UPK1A: variants seen among roughly 807,000 people sequenced by gnomAD.
UPK1A encodes uroplakin 1A.
A neutral mutation model predicts 32.3 loss-of-function variants in UPK1A; 31 were observed. The ratio of observed to expected loss-of-function variants is 0.96; its 90% CI spans 0.72 to 1.30. The LOEUF (loss-of-function observed/expected upper bound fraction) is 1.30. UPK1A is among the 50% of genes most tolerant of loss of function. The pLI is 0.00. For synonymous variants in UPK1A, 135 were observed against 137.1 expected (o/e 0.98, Z 0.11); for missense variants, 340 against 357.4 (o/e 0.95, Z 0.39).
intron 3 of UPK1A, among the ~76,000 whole-genome samples, chr19:35,669,454 C>T (rs373684086): frequency 6.8e-6 from 1 of 147,162 alleles, no homozygotes; most frequent in African/African-American, 2.5e-5. Context: ...CATTTGAGGT[C>T]GGGAGTCCAA....
intron 3 of UPK1A, 29 bp from the exon 4 acceptor site, chr19:35,673,203 G>C (rs755963572): frequency 6.2e-7 from 1 of 1,611,864 alleles, no homozygotes. Context: ...GGCTCTGCCC[G>C]ACGGGCCGTC....
At chr19:35,666,685 A>C in intron 1 of UPK1A, 124 bp from the exon 2 acceptor site, 1 of 939,326 alleles carries the variant, frequency 1.1e-6, no homozygotes, top group Non-Finnish European at 1.6e-6. Flanking sequence ...CTGTGGGTAC[A>C]TCAGTACCAG....
chr19:35,675,894 T>C (rs1372072934), exon 6 of UPK1A: 3 of 1,613,926 alleles, frequency 1.9e-6, no homozygotes, highest in Admixed American at 1.7e-5. Flanking sequence ...CACGTCAGCC[T>C]TCCGGGCGGC....
chr19:35,668,681 G>T, intron 3 of UPK1A, 27 bp downstream of exon 3: 1 of 1,592,986 alleles, frequency 6.3e-7, no homozygotes, highest in Non-Finnish European at 8.5e-7. Context: ...TGGGGGATGG[G>T]GACACTGAAA....
In UPK1A at chr19:35,673,217, C is replaced by A; in HGVS notation, c.286-15C>A. ...GGGCTCTGCCCGACGGGCCGTCCTC[C>A]CTCTGTCTCCCCAGTACCTGGTGCT... On this transcript the variant is annotated splice_polypyrimidine_tract_variant and intron_variant, in intron 3 of 7. Coordinates refer to ENST00000617999, the Ensembl canonical transcript of UPK1A. 2 of 1,613,858 alleles carry A rather than the reference C, an allele frequency of 1.2e-6. No individual in the cohort carries two copies. Among genetic ancestry groups the A allele is most frequent in the Non-Finnish European group, 1.7e-6 (2 of 1,179,912 alleles).
At chr19:35,670,695 T>G (rs867719717) in intron 3 of UPK1A, among the ~76,000 whole-genome samples, 4 of 19,120 alleles carry the variant, frequency 2.1e-4, no homozygotes, top group African/African-American at 5.9e-4. Context: ...CCTCCCTCCC[T>G]CCCTCCCTTC....
At chr19:35,671,154 C>T (rs1968089869) in intron 3 of UPK1A, among the ~76,000 whole-genome samples, 1 of 151,800 alleles carries the variant, frequency 6.6e-6, no homozygotes, top group Non-Finnish European at 1.5e-5. Context: ...TTTGGGAGGC[C>T]GAGGCAGGTG....
intron 2 of UPK1A, 185 bp from the exon 3 acceptor site, chr19:35,668,269 C>T (rs1182558679): frequency 3.7e-5 from 26 of 698,512 alleles, no homozygotes; most frequent in Non-Finnish European, 5.8e-5. Context: ...GGTTGTCTGG[C>T]TGGGCTGTCT....
intron 5 of UPK1A, 40 bp downstream of exon 5, chr19:35,673,585 C>T (rs1968137191): frequency 1.3e-6 from 2 of 1,587,508 alleles, no homozygotes; most frequent in African/African-American, 1.3e-5. Flanking sequence ...GCCCTGGGCT[C>T]CGTCCACAGA....
chr19:35,669,386 C>T (rs1968050895), intron 3 of UPK1A, among the ~76,000 whole-genome samples: 1 of 151,844 alleles, frequency 6.6e-6, no homozygotes, highest in South Asian at 2.1e-4. Context: ...GCTTCGTGGC[C>T]AGGCGCAGTG....
At chr19:35,668,531 C>T in exon 3 of UPK1A, 1 of 1,614,186 alleles carries the variant, frequency 6.2e-7, no homozygotes, top group South Asian at 1.1e-5. Flanking sequence ...TGATGGGAGT[C>T]TCAGGCAAGG....
rs2285420 is a variant in UPK1A at position 35,677,970 on chromosome 19, G to T, written c.733-5G>T. On this transcript the variant is annotated splice_polypyrimidine_tract_variant and splice_region_variant and intron_variant, in intron 7 of 7. Coordinates refer to ENST00000617999, the Ensembl canonical transcript of UPK1A. ...AGTGCCCTCATCTCGCTGCCTCCTC[G>T]CCAGCTCCCGGTCATGCTGATAGCC... 3 of 1,597,878 alleles carry T rather than the reference G, an allele frequency of 1.9e-6. No individual in the cohort carries two copies. Among genetic ancestry groups the T allele is most frequent in the South Asian group, 2.3e-5 (2 of 88,602 alleles).
At position 35,674,549 on chromosome 19, in the gene UPK1A, T is replaced by C. The variant is rs141445823; in HGVS notation, c.468+1004T>C. 2.6e-5 allele frequency among the ~76,000 whole-genome samples: 4 copies of C among 151,934 alleles called. No individual in the cohort carries two copies. The East Asian group carries it at 7.8e-4, about 30-fold the overall frequency. On this transcript the variant is annotated intron_variant, in intron 5 of 7. Transcript: ENST00000617999. ...ACCGTGCCCAGCCTTTCAAAGCACT[T>C]TTAAAGCTTTTTTAATCCTCACGAC...
At chr19:35,669,911 A>G (rs951588960) in intron 3 of UPK1A, among the ~76,000 whole-genome samples, 33 of 152,152 alleles carry the variant, frequency 2.2e-4, no homozygotes, top group Admixed American at 2.2e-3. Flanking sequence ...TGATGAACAA[A>G]TGCTTATGAG....
chr19:35,673,880 T>TGA (rs1339226781), intron 5 of UPK1A, among the ~76,000 whole-genome samples: 1 of 152,146 alleles, frequency 6.6e-6, no homozygotes, highest in African/African-American at 2.4e-5. Context: ...CACCATTCAC[T>TGA]GAGCTAGGTT....
At chr19:35,673,474 C>T in exon 5 of UPK1A, 1 of 1,613,684 alleles carries the variant, frequency 6.2e-7, no homozygotes, top group Non-Finnish European at 8.5e-7. Context: ...CAAGCAGATG[C>T]TGACCTTCTA....
exon 8 of UPK1A, chr19:35,678,470 A>T (rs950628825): frequency 6.6e-6 from 1 of 152,068 alleles, no homozygotes; most frequent in African/African-American, 2.4e-5. Flanking sequence ...AAATAAATAA[A>T]TAATGAATGA....
rs571935632 is a variant in UPK1A at position 35,677,904 on chromosome 19, C to T, written c.732+9C>T. ...CCATCCTGATGTGGACGGTGAGAGG[C>T]GGGGAGCCCACAGGCTGGGTGGGCT... is the stretch of plus-strand genomic sequence containing the variant. On this transcript the variant is annotated intron_variant, in intron 7 of 7. Coordinates refer to ENST00000617999, the Ensembl canonical transcript of UPK1A. 37 of 1,107,666 alleles carry T rather than the reference C, an allele frequency of 3.3e-5. No individual in the cohort carries two copies. Among genetic ancestry groups the T allele is most frequent in the Admixed American group, 5.7e-5 (3 of 52,388 alleles). The allele number at this position is 1,107,666 out of a possible 1,614,324, so 68.6% of individuals were successfully genotyped here.
chr19:35,667,895 T>G (rs1453874684), intron 2 of UPK1A: 1 of 186,982 alleles, frequency 5.3e-6, no homozygotes, highest in Admixed American at 5.5e-5. Context: ...GCTCAACTGA[T>G]CCTCCTGCCT....
Sources: allele counts gnomAD v4.1 joint callset (sites outside exome capture counted in the v4.1 genomes callset), GRCh38; gene constraint gnomAD v4.1.1; transcripts MANE v1.5; gene names NCBI Gene and HGNC (gene_info 2026-07-23, HGNC 2026-07-21).